CCNB3: variants seen among roughly 807,000 people sequenced by gnomAD.
The protein encoded by CCNB3 is G2/mitotic-specific cyclin-B3.
In CCNB3, 12 loss-of-function variants were observed where a neutral mutation model predicts 68.0. The observed-to-expected ratio is 0.18, with a 90% CI of 0.11 to 0.29. CCNB3 has a LOEUF of 0.29. Among genes scored for constraint, CCNB3 ranks in the 10% least tolerant of loss-of-function variants. The probability of loss-of-function intolerance (pLI) is 1.00; values close to 1 mark genes in which losing one functional copy is unlikely to be tolerated. For synonymous variants in CCNB3, 354 were observed against 388.9 expected, an observed-to-expected ratio of 0.91 and a Z score of 1.06; for missense variants, 904 against 993.1, an observed-to-expected ratio of 0.91 and a Z score of 1.21.
intron 1 of CCNB3, among the ~76,000 whole-genome samples, chrX:50,226,251 TATATATTTATATA>T (rs1935781503): frequency 1.5e-5 from 1 of 66,613 alleles, no homozygotes; most frequent in East Asian, 4.7e-4. Flanking sequence ...ATATAGAATA[TATATATTTATATA>T]TATAGAATAT....
chrX:50,215,941 CTTTTTTTTT>C (rs1195858030), intron 1 of CCNB3, among the ~76,000 whole-genome samples: 1 of 52,487 alleles, frequency 1.9e-5, no homozygotes, highest in African/African-American at 8.6e-5. Flanking sequence ...GGGTGTGCTT[CTTTTTTTTT>C]TTTTTTTTTT....
intron 1 of CCNB3, among the ~76,000 whole-genome samples, chrX:50,213,996 C>G (rs1935523090): frequency 9.0e-6 from 1 of 111,387 alleles, no homozygotes; most frequent in Non-Finnish European, 1.9e-5. Context: ...AGGTAGTAGA[C>G]ACATCCAACA....
At chrX:50,283,102 A>T (rs886783473) in intron 1 of CCNB3, among the ~76,000 whole-genome samples, 3 of 111,391 alleles carry the variant, frequency 2.7e-5, no homozygotes, top group Non-Finnish European at 5.6e-5. Context: ...GTACATGTAA[A>T]TTTGCATCTG....
chrX:50,311,594 T>G (rs1274234549), intron 6 of CCNB3, 98 bp downstream of exon 6: 38 of 662,972 alleles, frequency 5.7e-5, no homozygotes, highest in Admixed American at 1.2e-4. Flanking sequence ...GTTTTTGTTT[T>G]TTGTTGTTGT....
At chrX:50,290,494 T>C (rs1287291520) in intron 4 of CCNB3, among the ~76,000 whole-genome samples, 1 of 111,935 alleles carries the variant, frequency 8.9e-6, no homozygotes, top group Non-Finnish European at 1.9e-5. Flanking sequence ...TAGCATCACA[T>C]TGGAGATTAG....
intron 8 of CCNB3, among the ~76,000 whole-genome samples, chrX:50,334,582 TAG>T (rs1922756399): frequency 8.9e-6 from 1 of 112,696 alleles, no homozygotes; most frequent in African/African-American, 3.2e-5. Flanking sequence ...TTTTGAGAGA[TAG>T]ACCACTGGCC....
chrX:50,209,621 G>T (rs1310220127), intron 1 of CCNB3, among the ~76,000 whole-genome samples: 1 of 112,157 alleles, frequency 8.9e-6, no homozygotes, highest in Non-Finnish European at 1.9e-5. Flanking sequence ...CTCCCAAAGT[G>T]TCGGGATTAC....
intron 5 of CCNB3, among the ~76,000 whole-genome samples, chrX:50,300,883 T>G (rs1162922144): frequency 8.9e-6 from 1 of 111,974 alleles, no homozygotes; most frequent in Non-Finnish European, 1.9e-5. Flanking sequence ...TTCATTCATT[T>G]CGTCTTCCGT....
chrX:50,292,858 C>T (rs1349785558), intron 4 of CCNB3, among the ~76,000 whole-genome samples: 3 of 111,471 alleles, frequency 2.7e-5, no homozygotes, highest in Non-Finnish European at 5.6e-5. Context: ...GTTCCAGACT[C>T]ATCTTATGTC....
At chrX:50,342,676 T>C (rs1255128314) in intron 9 of CCNB3, among the ~76,000 whole-genome samples, 2 of 111,632 alleles carry the variant, frequency 1.8e-5, no homozygotes, top group Non-Finnish European at 1.9e-5. Flanking sequence ...AAACTGTTAC[T>C]AGTTTATGTG....
Position 50,290,419 on chromosome X carries a change from C to T in CCNB3, c.204+1532C>T, listed in dbSNP as rs149141710. On this transcript the variant is annotated intron_variant, in intron 4 of 12. Transcript: ENST00000376042. ...TCCTCGGGCCTCTTTTATAAGGGCA[C>T]TAATCCCATTCACAAGGGCTGTGCT... Among the ~76,000 whole-genome samples, 55 of 111,433 alleles carry T rather than the reference C, an allele frequency of 4.9e-4. No homozygotes were observed. In the East Asian group the frequency reaches 0.01, roughly 21 times the overall value.
At chrX:50,341,533 CT>C (rs1923143211) in intron 8 of CCNB3, among the ~76,000 whole-genome samples, 1 of 96,453 alleles carries the variant, frequency 1.0e-5, no homozygotes, top group Non-Finnish European at 2.1e-5. Context: ...GAAATAGAGA[CT>C]AAAAAAAAAA....
intron 8 of CCNB3, among the ~76,000 whole-genome samples, chrX:50,320,840 CTTTATA>C: frequency 9.1e-6 from 1 of 110,284 alleles, no homozygotes; most frequent in Non-Finnish European, 1.9e-5. Context: ...ATTATATCTT[CTTTATA>C]TTTATTTCTG....
In CCNB3 at chrX:50,303,846, C is replaced by T. The variant is rs1191776190; in HGVS notation, c.336-4659C>T. Among the ~76,000 whole-genome samples the T allele has an allele frequency of 3.6e-5, 4 of 111,067 alleles. No individual in the cohort carries two copies. In the East Asian group the frequency reaches 8.4e-4, roughly 23 times the overall value. ...CAGAAATTTTTAATTCTGAAGAAGTCTAATTTGTTTTTTCTTTTGTTGTTT... is the reference window on the plus strand; with the variant it reads ...CAGAAATTTTTAATTCTGAAGAAGTTTAATTTGTTTTTTCTTTTGTTGTTT... On this transcript the variant is annotated intron_variant, in intron 5 of 12. Transcript: ENST00000376042.
At chrX:50,328,921 G>T (rs1259970066) in intron 8 of CCNB3, among the ~76,000 whole-genome samples, 1 of 112,551 alleles carries the variant, frequency 8.9e-6, no homozygotes, top group Non-Finnish European at 1.9e-5. Context: ...ATCTCAAGCC[G>T]TGTCATTTAA....
At chrX:50,312,854 C>T (rs1334520201) in intron 7 of CCNB3, among the ~76,000 whole-genome samples, 1 of 111,337 alleles carries the variant, frequency 9.0e-6, no homozygotes, top group African/African-American at 3.3e-5. Flanking sequence ...GTATTATTAT[C>T]TCCCTCTTAC....
chrX:50,279,747 C>T (rs1300550463), intron 1 of CCNB3, among the ~76,000 whole-genome samples: 1 of 85,481 alleles, frequency 1.2e-5, no homozygotes. Context: ...TATGTATATT[C>T]ATATATGTAA....
At chrX:50,301,356 AG>A (rs1936628045) in intron 5 of CCNB3, among the ~76,000 whole-genome samples, 2 of 112,237 alleles carry the variant, frequency 1.8e-5, no homozygotes, top group African/African-American at 6.5e-5. Context: ...TCTAACAGTC[AG>A]GACCCTCAGC....
chrX:50,314,972 T>C (rs1488707702), intron 8 of CCNB3, among the ~76,000 whole-genome samples: 1 of 111,221 alleles, frequency 9.0e-6, no homozygotes, highest in Non-Finnish European at 1.9e-5. Flanking sequence ...GAAAAAAATA[T>C]CTCTGCCAGC....
Sources: allele counts gnomAD v4.1 joint callset (sites outside exome capture counted in the v4.1 genomes callset), GRCh38; gene constraint gnomAD v4.1.1; transcripts MANE v1.5; gene names NCBI Gene and HGNC (gene_info 2026-07-23, HGNC 2026-07-21).